The following HCN1 variants were observed in gnomAD, a reference collection of about 807,000 sequenced individuals.
The protein encoded by HCN1 is hyperpolarization activated cyclic nucleotide gated potassium channel 1, also known as potassium/sodium hyperpolarization-activated cyclic nucleotide-gated channel 1.
Under a neutral mutation model 78.9 loss-of-function variants are expected in HCN1, and 13 were observed. That is an observed-to-expected ratio of 0.16 (90% CI 0.11 to 0.26). HCN1 has a LOEUF of 0.26. Ranked by LOEUF, HCN1 falls within the 10% of genes least tolerant of loss-of-function variation. HCN1 has a pLI of 1.00. For missense variants in HCN1, 810 were observed against 1,154.3 expected, an observed-to-expected ratio of 0.70 and a Z score of 4.32; for synonymous variants, 552 against 455.5, an observed-to-expected ratio of 1.21 and a Z score of -2.70.
intron 1 of HCN1, among the ~76,000 whole-genome samples, chr5:45,680,046 T>C (rs1739675099): frequency 6.6e-6 from 1 of 152,066 alleles, no homozygotes; most frequent in Admixed American, 6.6e-5. Context: ...AATAGGAAAG[T>C]AGGTTAAGAG....
At chr5:45,375,204 TTTATA>T (rs1747587489) in intron 4 of HCN1, among the ~76,000 whole-genome samples, 2 of 115,032 alleles carry the variant, frequency 1.7e-5, no homozygotes, top group African/African-American at 7.0e-5. Flanking sequence ...AATATAATAT[TTTATA>T]ATATATAATA....
At chr5:45,671,444 C>T (rs1390387245) in intron 1 of HCN1, among the ~76,000 whole-genome samples, 1 of 151,292 alleles carries the variant, frequency 6.6e-6, no homozygotes, top group Non-Finnish European at 1.5e-5. Context: ...CGCTTCACCC[C>T]ATCCCCACAC....
intron 4 of HCN1, among the ~76,000 whole-genome samples, chr5:45,380,667 C>A (rs890964236): frequency 6.6e-6 from 1 of 151,988 alleles, no homozygotes; most frequent in African/African-American, 2.4e-5. Context: ...GGCCATGACA[C>A]CTAATAAGAC....
intron 5 of HCN1, among the ~76,000 whole-genome samples, chr5:45,305,510 C>T (rs1745711518): frequency 6.6e-6 from 1 of 152,058 alleles, no homozygotes; most frequent in Non-Finnish European, 1.5e-5. Context: ...CATCATTATT[C>T]AAATCAAAAT....
intron 6 of HCN1, among the ~76,000 whole-genome samples, chr5:45,273,939 A>G (rs565328924): frequency 6.6e-5 from 10 of 152,258 alleles, no homozygotes; most frequent in African/African-American, 2.2e-4. Context: ...TACTCTGGGT[A>G]TCAAATAGAT....
chr5:45,443,532 C>A (rs575407330), intron 3 of HCN1, among the ~76,000 whole-genome samples: 3 of 151,914 alleles, frequency 2.0e-5, no homozygotes, highest in African/African-American at 7.2e-5. Flanking sequence ...AAAAAAGATG[C>A]GTTAACTCAT....
Position 45,658,860 on chromosome 5 carries a change from G to A in HCN1, c.426-13252C>T, listed in dbSNP as rs542790329. 6.1e-4 allele frequency among the ~76,000 whole-genome samples: 92 copies of A among 150,334 alleles called. 1 individual carries two copies. The highest frequency in any genetic ancestry group is 1.7e-3 in the Admixed American group (26 of 15,078). Reference sequence around the variant, plus strand: ...GCAGTCTGAGATCAAACTGCAAGGCGGCAACGAGGCTGGGGGAGGGGCGCC... The same window carrying A: ...GCAGTCTGAGATCAAACTGCAAGGCAGCAACGAGGCTGGGGGAGGGGCGCC... On this transcript the variant is annotated intron_variant, in intron 1 of 7. Transcript: ENST00000303230.
intron 1 of HCN1, among the ~76,000 whole-genome samples, chr5:45,651,790 T>C (rs1745681384): frequency 6.6e-6 from 1 of 151,984 alleles, no homozygotes; most frequent in South Asian, 2.1e-4. Context: ...CTTGGTCTAA[T>C]GCCTTGATGT....
At chr5:45,600,454 A>C (rs1744600115) in intron 2 of HCN1, among the ~76,000 whole-genome samples, 1 of 152,158 alleles carries the variant, frequency 6.6e-6, no homozygotes, top group African/African-American at 2.4e-5. Flanking sequence ...TATGTGATAA[A>C]ATTTTTAGTT....
chr5:45,631,370 G>A (rs1473036678), intron 2 of HCN1, among the ~76,000 whole-genome samples: 3 of 152,098 alleles, frequency 2.0e-5, no homozygotes, highest in Non-Finnish European at 4.4e-5. Context: ...ACCCTACAGA[G>A]CTATCTATCT....
chr5:45,297,842 T>G (rs1745531203), intron 6 of HCN1, among the ~76,000 whole-genome samples: 1 of 151,962 alleles, frequency 6.6e-6, no homozygotes, highest in South Asian at 2.1e-4. Flanking sequence ...ATTGACAGAC[T>G]AGAGAAGAAA....
At chr5:45,573,853 G>A (rs1423297397) in intron 2 of HCN1, among the ~76,000 whole-genome samples, 1 of 151,898 alleles carries the variant, frequency 6.6e-6, no homozygotes, top group African/African-American at 2.4e-5. Flanking sequence ...TTTAGAATTT[G>A]TTTCTTAAAA....
intron 2 of HCN1, among the ~76,000 whole-genome samples, chr5:45,574,239 G>A (rs1743892610): frequency 6.6e-6 from 1 of 152,072 alleles, no homozygotes. Context: ...CATCAACCAA[G>A]TCTATTGGTG....
intron 2 of HCN1, among the ~76,000 whole-genome samples, chr5:45,608,205 A>G (rs1256211722): frequency 6.6e-6 from 1 of 152,072 alleles, no homozygotes; most frequent in Non-Finnish European, 1.5e-5. Flanking sequence ...AATTTTATTC[A>G]AAAATGATAA....
intron 6 of HCN1, 25 bp downstream of exon 6, chr5:45,303,574 T>C (rs574630771): frequency 6.2e-7 from 1 of 1,612,002 alleles, no homozygotes; most frequent in East Asian, 2.2e-5. Context: ...TTAGATTTCA[T>C]CTTAGTTGCA....
intron 2 of HCN1, among the ~76,000 whole-genome samples, chr5:45,467,197 A>C (rs1188406451): frequency 6.6e-6 from 1 of 151,714 alleles, no homozygotes; most frequent in Non-Finnish European, 1.5e-5. Context: ...GACTCTCCCC[A>C]CCACCTTCCC....
At chr5:45,636,552 T>C (rs1745359391) in intron 2 of HCN1, among the ~76,000 whole-genome samples, 2 of 152,140 alleles carry the variant, frequency 1.3e-5, no homozygotes, top group African/African-American at 4.8e-5. Flanking sequence ...TGGGGATAAG[T>C]AATGCATAAT....
intron 2 of HCN1, among the ~76,000 whole-genome samples, chr5:45,474,155 C>A (rs1741466525): frequency 6.6e-6 from 1 of 151,876 alleles, no homozygotes; most frequent in South Asian, 2.1e-4. Flanking sequence ...AATCAAGGCA[C>A]TCCATAACCT....
chr5:45,448,458 G>T (rs1399352915), intron 3 of HCN1, among the ~76,000 whole-genome samples: 2 of 152,040 alleles, frequency 1.3e-5, no homozygotes, highest in Non-Finnish European at 2.9e-5. Context: ...TTCACTTCCT[G>T]GTCCTTGCTC....
Sources: allele counts gnomAD v4.1 joint callset (sites outside exome capture counted in the v4.1 genomes callset), GRCh38; gene constraint gnomAD v4.1.1; transcripts MANE v1.5; gene names NCBI Gene and HGNC (gene_info 2026-07-23, HGNC 2026-07-21).